SAMD13: variants seen among roughly 807,000 people sequenced by gnomAD.
The protein encoded by SAMD13 is sterile alpha motif domain containing 13, also known as sterile alpha motif domain-containing protein 13.
A neutral mutation model predicts 12.4 loss-of-function variants in SAMD13; 9 were observed. The observed-to-expected ratio is 0.72, with a 90% CI of 0.44 to 1.26. The LOEUF is 1.26. Ranked by LOEUF, SAMD13 falls within the 50% of genes most tolerant of loss-of-function variation. The pLI is 0.00. For synonymous variants in SAMD13, 46 were observed against 45.4 expected, an observed-to-expected ratio of 1.01 and a Z score of -0.05; for missense variants, 84 against 119.6, an observed-to-expected ratio of 0.70 and a Z score of 1.39.
intron 3 of SAMD13, among the ~76,000 whole-genome samples, chr1:84,342,156 C>T (rs1679440870): frequency 6.6e-6 from 1 of 152,148 alleles, no homozygotes; most frequent in Non-Finnish European, 1.5e-5. Flanking sequence ...AGAGCTTAGT[C>T]ACATGGCCAC....
At chr1:84,310,089 A>G (rs1406034756) in intron 2 of SAMD13, among the ~76,000 whole-genome samples, 3 of 152,208 alleles carry the variant, frequency 2.0e-5, no homozygotes, top group Non-Finnish European at 4.4e-5. Context: ...TGAGCCGCAT[A>G]TGTAATTTTC....
At chr1:84,312,447 ATAAT>A (rs1678736282) in intron 2 of SAMD13, among the ~76,000 whole-genome samples, 3 of 151,612 alleles carry the variant, frequency 2.0e-5, no homozygotes, top group African/African-American at 4.8e-5. Flanking sequence ...TAATTATATA[ATAAT>A]TAAGATAATA....
At chr1:84,308,864 CA>C (rs1314601109) in intron 2 of SAMD13, among the ~76,000 whole-genome samples, 1 of 152,018 alleles carries the variant, frequency 6.6e-6, no homozygotes, top group African/African-American at 2.4e-5. Flanking sequence ...ACTCCTAACC[CA>C]AATTTGGAGA....
chr1:84,299,655 G>GGGTA, upstream of SAMD13: 1 of 891,362 alleles, frequency 1.1e-6, no homozygotes. Flanking sequence ...GTGAGTACTA[G>GGGTA]TGTATATATA....
chr1:84,346,343 C>T (rs904732430), intron 3 of SAMD13, among the ~76,000 whole-genome samples: 4 of 152,172 alleles, frequency 2.6e-5, no homozygotes, highest in African/African-American at 9.7e-5. Flanking sequence ...TGAGTACTTG[C>T]TGGAACTTAA....
intron 3 of SAMD13, among the ~76,000 whole-genome samples, chr1:84,334,881 A>G (rs1679261599): frequency 6.6e-6 from 1 of 151,948 alleles, no homozygotes; most frequent in Non-Finnish European, 1.5e-5. Flanking sequence ...TCTTACTGAT[A>G]TATATTTTTA....
chr1:84,338,422 A>G (rs1405668626), intron 3 of SAMD13, among the ~76,000 whole-genome samples: 1 of 145,456 alleles, frequency 6.9e-6, no homozygotes, highest in Non-Finnish European at 1.5e-5. Flanking sequence ...GTACAGGGGA[A>G]CTCATCTCTC....
chr1:84,324,723 G>A (rs1425112041), intron 2 of SAMD13, among the ~76,000 whole-genome samples: 1 of 152,150 alleles, frequency 6.6e-6, no homozygotes, highest in African/African-American at 2.4e-5. Flanking sequence ...TATAGAGAAA[G>A]CCAGACAAAT....
At chr1:84,344,788 G>A (rs1461761181) in intron 3 of SAMD13, 28 of 410,874 alleles carry the variant, frequency 6.8e-5, no homozygotes, top group Non-Finnish European at 1.3e-4. Context: ...AGAACCCAGG[G>A]AACAAAGAGG....
intron 3 of SAMD13, among the ~76,000 whole-genome samples, chr1:84,340,149 G>A (rs1679392168): frequency 6.6e-6 from 1 of 152,194 alleles, no homozygotes; most frequent in African/African-American, 2.4e-5. Flanking sequence ...TTACAGCATT[G>A]TTCACAATAA....
At chr1:84,322,417 G>A (rs1042728510) in intron 2 of SAMD13, among the ~76,000 whole-genome samples, 6 of 152,168 alleles carry the variant, frequency 3.9e-5, no homozygotes, top group Non-Finnish European at 7.3e-5. Flanking sequence ...CCAAAAGCAG[G>A]TTACAGTAGC....
At chr1:84,313,904 G>A (rs1678770673) in intron 2 of SAMD13, among the ~76,000 whole-genome samples, 2 of 152,064 alleles carry the variant, frequency 1.3e-5, no homozygotes, top group South Asian at 4.1e-4. Flanking sequence ...ATGTTGTAAG[G>A]TTTTGAACTA....
At chr1:84,304,372 T>C (rs1678515242) in intron 2 of SAMD13, 1 of 152,160 alleles carries the variant, frequency 6.6e-6, no homozygotes, top group African/African-American at 2.4e-5. Flanking sequence ...ATGATGGAAA[T>C]GTTCTGTATT....
chr1:84,335,850 T>C (rs1196718456), intron 3 of SAMD13, among the ~76,000 whole-genome samples: 1 of 152,240 alleles, frequency 6.6e-6, no homozygotes, highest in South Asian at 2.1e-4. Flanking sequence ...ATTTCTTTTC[T>C]TTAAGAATGC....
chr1:84,308,468 C>A (rs958879148), intron 2 of SAMD13, among the ~76,000 whole-genome samples: 1 of 152,148 alleles, frequency 6.6e-6, no homozygotes, highest in South Asian at 2.1e-4. Flanking sequence ...CAGACATTGC[C>A]AAATGTTCCC....
chr1:84,299,487 A>G, upstream of SAMD13: 2 of 578,058 alleles, frequency 3.5e-6, no homozygotes, highest in Non-Finnish European at 5.1e-6. Context: ...TCACCCCCAC[A>G]CACCACATAC....
upstream of SAMD13, among the ~76,000 whole-genome samples, chr1:84,298,899 C>T (rs759030347): frequency 3.9e-5 from 6 of 152,088 alleles, no homozygotes; most frequent in African/African-American, 4.8e-5. Flanking sequence ...TTTCCAAAGA[C>T]CGGCTTCCCC....
chr1:84,323,985 T>C (rs1679002982), intron 2 of SAMD13, among the ~76,000 whole-genome samples: 1 of 152,172 alleles, frequency 6.6e-6, no homozygotes, highest in Non-Finnish European at 1.5e-5. Flanking sequence ...GGATGGATGT[T>C]ACCACCATCC....
At chr1:84,344,566 C>A in intron 3 of SAMD13, 1 of 240,994 alleles carries the variant, frequency 4.1e-6, no homozygotes, top group Non-Finnish European at 8.2e-6. Context: ...TGATAGTATT[C>A]AAAAGGGCTT....
Sources: allele counts gnomAD v4.1 joint callset (sites outside exome capture counted in the v4.1 genomes callset), GRCh38; gene constraint gnomAD v4.1.1; transcripts MANE v1.5; gene names NCBI Gene and HGNC (gene_info 2026-07-23, HGNC 2026-07-21).